The following ZNRF2 variants were observed in gnomAD, a reference collection of about 807,000 sequenced individuals.
ZNRF2 encodes zinc and ring finger 2.
In ZNRF2, 16 loss-of-function variants were observed where a neutral mutation model predicts 20.4. The ratio of observed to expected loss-of-function variants is 0.79; its 90% CI spans 0.53 to 1.19. The LOEUF (loss-of-function observed/expected upper bound fraction) is 1.19, where lower values mean the gene tolerates loss of function less well. Ranked by LOEUF, ZNRF2 falls within the 50% of genes most tolerant of loss-of-function variation. The pLI is 0.00. For missense variants in ZNRF2, 363 were observed against 332.4 expected (o/e 1.09, Z -0.72); for synonymous variants, 178 against 144.9 (o/e 1.23, Z -1.64).
intron 3 of ZNRF2, among the ~76,000 whole-genome samples, chr7:30,358,922 T>G (rs1041096818): frequency 3.9e-5 from 6 of 152,164 alleles, no homozygotes; most frequent in Non-Finnish European, 7.4e-5. Flanking sequence ...AGAAACAACT[T>G]CATAGAGTAT....
At chr7:30,347,269 CTT>C in intron 2 of ZNRF2, among the ~76,000 whole-genome samples, 1 of 152,250 alleles carries the variant, frequency 6.6e-6, no homozygotes, top group East Asian at 1.9e-4. Context: ...AGTTATTTCT[CTT>C]TTGTGAGCCT....
chr7:30,361,703 C>A (rs1192264405), intron 3 of ZNRF2, among the ~76,000 whole-genome samples: 1 of 152,134 alleles, frequency 6.6e-6, no homozygotes. Context: ...GCTAGTGTGA[C>A]TGAGGAACTG....
At position 30,285,243 on chromosome 7, in the gene ZNRF2, G is replaced by A; in HGVS notation, c.-115G>A. 1 of 709,494 alleles carries A rather than the reference G, an allele frequency of 1.4e-6. No individual in the cohort carries two copies. The highest frequency in any genetic ancestry group is 1.8e-6 in the Non-Finnish European group (1 of 563,242). 43.9% of individuals were successfully genotyped at this position (709,494 alleles called of 1,614,324 possible). A position where few individuals can be genotyped will look rare whatever the true frequency, so the allele number is the denominator to read the frequency against. On this transcript the variant is annotated 5_prime_UTR_variant, in exon 1 of 5. Transcript: ENST00000323037. ...CCGGGCGGCGGCCCTGGACGTGCGGGGGCCTCTCTGGGCCGGCCGCGGCGC... is the reference window on the plus strand; with the variant it reads ...CCGGGCGGCGGCCCTGGACGTGCGGAGGCCTCTCTGGGCCGGCCGCGGCGC...
In ZNRF2 at chr7:30,285,261, C is replaced by G. The variant is rs1448295807; in HGVS notation, c.-97C>G. On this transcript the variant is annotated 5_prime_UTR_variant, in exon 1 of 5. Transcript: ENST00000323037. ...CGTGCGGGGGCCTCTCTGGGCCGGC[C>G]GCGGCGCCTGGGCCCTGCCCTCTAG... 1.1e-6 allele frequency: 1 copy of G among 916,408 alleles called. No homozygotes were observed. The highest frequency in any genetic ancestry group is 8.9e-5 in the East Asian group (1 of 11,262). The allele number at this position is 916,408 out of a possible 1,614,324, so 56.8% of individuals were successfully genotyped here.
chr7:30,355,010 A>G (rs916303578), intron 2 of ZNRF2, among the ~76,000 whole-genome samples: 18 of 152,162 alleles, frequency 1.2e-4, no homozygotes, highest in African/African-American at 4.3e-4. Context: ...TGCATTATAA[A>G]GAGATTTACC....
Position 30,285,580 on chromosome 7 carries a change from CCGGCGGCCCCGCGCAGCCGCTCCCT to C in ZNRF2, c.230_254del (p.Ala77GlyfsTer58). ...GGCGGCCGCGGCGGCCCCGGCAGCC[CCGGCGGCCCCGCGCAGCCGCTCCCT>C]CGGCGGGGCCGTGGGGAGCGTGGCG... On this transcript the variant is annotated frameshift_variant, in exon 1 of 5. Coordinates refer to ENST00000323037, the MANE Select transcript of ZNRF2 (RefSeq NM_147128.4). LOFTEE classifies it high-confidence loss of function. 2 of 1,021,866 alleles carry C rather than the reference CCGGCGGCCCCGCGCAGCCGCTCCCT, an allele frequency of 2.0e-6. No individual in the cohort carries two copies. Among genetic ancestry groups the C allele is most frequent in the Non-Finnish European group, 2.3e-6 (2 of 855,142 alleles). 63.3% of individuals were successfully genotyped at this position (1,021,866 alleles called of 1,614,324 possible).
chr7:30,308,343 A>G (rs1306579182), intron 1 of ZNRF2, among the ~76,000 whole-genome samples: 3 of 152,176 alleles, frequency 2.0e-5, no homozygotes, highest in African/African-American at 7.2e-5. Flanking sequence ...TTTTGCCATT[A>G]TGAACATTGC....
intron 1 of ZNRF2, among the ~76,000 whole-genome samples, chr7:30,295,014 GGAGAGAGA>G (rs1161510140): frequency 1.5e-3 from 37 of 25,226 alleles, no homozygotes; most frequent in Admixed American, 5.3e-3. Context: ...AGGGAGGGAA[GGAGAGAGA>G]GAGAGAGAGA....
chr7:30,288,309 A>G (rs1480982698), intron 1 of ZNRF2, among the ~76,000 whole-genome samples: 2 of 152,232 alleles, frequency 1.3e-5, no homozygotes, highest in Non-Finnish European at 2.9e-5. Flanking sequence ...GAATTAGTGG[A>G]AAGTTCGTAT....
At position 30,295,050 on chromosome 7, in the gene ZNRF2, A is replaced by AGT. The variant is rs71536219; in HGVS notation, c.469+9274_469+9275dup. Among the ~76,000 whole-genome samples, 346 of 38,278 alleles carry AGT rather than the reference A, an allele frequency of 9.0e-3. 16 individuals carry two copies. Among genetic ancestry groups the AGT allele is most frequent in the East Asian group, 0.029 (28 of 982 alleles). 25.1% of individuals were successfully genotyped at this position (38,278 alleles called of 152,430 possible). ...GAGAGAGAGAGAGAGAGAGAGAGAG[A>AGT]GTGTGTGTGTGTGTGTGTGTGTGTG... On this transcript the variant is annotated intron_variant, in intron 1 of 4. Transcript: ENST00000323037.
intron 1 of ZNRF2, among the ~76,000 whole-genome samples, chr7:30,289,282 A>T (rs1465945339): frequency 6.6e-6 from 1 of 152,154 alleles, no homozygotes; most frequent in Non-Finnish European, 1.5e-5. Flanking sequence ...TTAAAACTGA[A>T]TATGTTGAAT....
chr7:30,353,983 T>C (rs1385730882), intron 2 of ZNRF2, among the ~76,000 whole-genome samples: 1 of 152,140 alleles, frequency 6.6e-6, no homozygotes, highest in African/African-American at 2.4e-5. Flanking sequence ...TTAGATCCTT[T>C]TTCTTTTTGT....
At chr7:30,343,426 G>T (rs1799827817) in intron 2 of ZNRF2, among the ~76,000 whole-genome samples, 1 of 151,830 alleles carries the variant, frequency 6.6e-6, no homozygotes, top group African/African-American at 2.4e-5. Context: ...AAATTCACTT[G>T]ATCGTCATGG....
chr7:30,329,744 G>T (rs561496430), intron 2 of ZNRF2, among the ~76,000 whole-genome samples: 46 of 152,250 alleles, frequency 3.0e-4, no homozygotes, highest in African/African-American at 1.1e-3. Context: ...CTTGGTTATC[G>T]TGAATAGTGC....
chr7:30,323,245 C>T lies in ZNRF2; in HGVS notation c.470-397C>T, dbSNP rs537770268. Among the ~76,000 whole-genome samples, 14 of 152,256 alleles carry T rather than the reference C, an allele frequency of 9.2e-5. No individual in the cohort carries two copies. The East Asian group carries it at 2.7e-3, about 29-fold the overall frequency. On this transcript the variant is annotated intron_variant, in intron 1 of 4. Coordinates refer to ENST00000323037, the MANE Select transcript of ZNRF2 (RefSeq NM_147128.4). ...CTGTTTAGCTATAAAACTTGTGACTCACAGTGTACTATACCAAGTTGGTAA... is the reference window on the plus strand; with the variant it reads ...CTGTTTAGCTATAAAACTTGTGACTTACAGTGTACTATACCAAGTTGGTAA...
At position 30,365,867 on chromosome 7, in the gene ZNRF2, G is replaced by A. The variant is rs537776030; in HGVS notation, c.*23-168G>A. On this transcript the variant is annotated intron_variant, in intron 4 of 4. Transcript: ENST00000323037. ...CGTGTAGTCCTTATTGTGAAAGGGG[G>A]ATGACTTTGTTATGTATTTTTTGTG... Among the ~76,000 whole-genome samples the A allele has an allele frequency of 1.3e-4, 20 of 152,154 alleles. 1 individual carries two copies. In the South Asian group the frequency reaches 4.2e-3, roughly 32 times the overall value.
chr7:30,338,469 C>G (rs1231373906), intron 2 of ZNRF2, among the ~76,000 whole-genome samples: 3 of 146,076 alleles, frequency 2.1e-5, no homozygotes, highest in South Asian at 4.5e-4. Flanking sequence ...TATTCCCCTC[C>G]CTGTGTCCAT....
intron 2 of ZNRF2, among the ~76,000 whole-genome samples, chr7:30,334,706 G>A (rs1799690348): frequency 6.6e-6 from 1 of 152,168 alleles, no homozygotes. Flanking sequence ...CCTATAATAT[G>A]TAAGGGTGTA....
At chr7:30,355,704 T>A in intron 2 of ZNRF2, 24 bp from the exon 3 acceptor site, 1 of 1,570,646 alleles carries the variant, frequency 6.4e-7, no homozygotes, top group Non-Finnish European at 8.7e-7. Context: ...TTTATTGTCC[T>A]GAATTCATTT....
Sources: gnomAD v4.1 joint callset for allele counts (sites outside exome capture counted in the v4.1 genomes callset) on GRCh38, gnomAD v4.1.1 for gene constraint, MANE v1.5 for transcripts, NCBI Gene and HGNC (gene_info 2026-07-23, HGNC 2026-07-21) for gene names.